PIH1D2: variants seen among roughly 807,000 people sequenced by gnomAD.
The protein encoded by PIH1D2 is PIH1 domain-containing protein 2.
A neutral mutation model predicts 31.2 loss-of-function variants in PIH1D2; 25 were observed. The observed-to-expected ratio is 0.80, with a 90% CI of 0.58 to 1.12. The LOEUF (loss-of-function observed/expected upper bound fraction) is 1.12, where lower values mean the gene tolerates loss of function less well. PIH1D2 is among the 50% of genes most tolerant of loss of function. The pLI is 0.00. For synonymous variants in PIH1D2, 116 were observed against 119.9 expected (o/e 0.97, Z 0.21); for missense variants, 310 against 356.6 (o/e 0.87, Z 1.05).
chr11:112,060,091 ATTATG>A, downstream of PIH1D2: 1 of 1,601,770 alleles, frequency 6.2e-7, no homozygotes, highest in Non-Finnish European at 8.5e-7. Flanking sequence ...TTGCTTTCTA[ATTATG>A]TTATTTTTAA....
At chr11:112,061,019 T>A, downstream of PIH1D2, 4 of 1,546,680 alleles carry the variant, frequency 2.6e-6, no homozygotes, top group Non-Finnish European at 3.5e-6. Context: ...TAATTTATTT[T>A]TAATTTTTTT....
intron 2 of PIH1D2, among the ~76,000 whole-genome samples, chr11:112,072,469 G>C (rs1865151584): frequency 7.3e-6 from 1 of 136,362 alleles, no homozygotes; most frequent in Non-Finnish European, 1.5e-5. Flanking sequence ...GATCGCTTGG[G>C]CTGCAATGAG....
Position 112,068,063 on chromosome 11 carries a change from T to C in PIH1D2, c.814-58A>G, listed in dbSNP as rs185401888. 461 of 1,198,478 alleles carry C rather than the reference T, an allele frequency of 3.8e-4. 2 individuals carry two copies. In the East Asian group the frequency reaches 9.2e-3, roughly 24 times the overall value. The allele number at this position is 1,198,478 out of a possible 1,614,324, so 74.2% of individuals were successfully genotyped here. ...GCTTAAAATTTGGGATACTAACTTATTGTTCCCAGTTATTCACTCCTTTGC... is the reference window on the plus strand; with the variant it reads ...GCTTAAAATTTGGGATACTAACTTACTGTTCCCAGTTATTCACTCCTTTGC... On this transcript the variant is annotated intron_variant, in intron 5 of 5. Coordinates refer to ENST00000280350, the MANE Select transcript of PIH1D2 (RefSeq NM_138789.4).
At chr11:112,069,093 G>T (rs1323167719) in intron 5 of PIH1D2, among the ~76,000 whole-genome samples, 4 of 150,246 alleles carry the variant, frequency 2.7e-5, no homozygotes, top group African/African-American at 9.8e-5. Context: ...CCGCCTCCCG[G>T]GTTCAAGCAG....
In PIH1D2 at chr11:112,072,886, A is replaced by G. The variant is rs570531395; in HGVS notation, c.177+112T>C. 1.7e-5 allele frequency: 19 copies of G among 1,091,578 alleles called. No homozygotes were observed. The African/African-American group carries it at 3.1e-4, about 18-fold the overall frequency. 67.6% of individuals were successfully genotyped at this position (1,091,578 alleles called of 1,614,324 possible). On this transcript the variant is annotated intron_variant, in intron 2 of 5. Transcript: ENST00000280350. ...TCAAAAAACAAAACAAAACAAAACA[A>G]AACAAAAAAAAAACAAAAAAAATTA...
chr11:112,057,191 A>C, the PIH1D2 span, among the ~76,000 whole-genome samples: 2 of 152,200 alleles, frequency 1.3e-5, no homozygotes, highest in Non-Finnish European at 2.9e-5. Context: ...GAATTGATAG[A>C]ATTATCAACC....
chr11:112,062,177 A>G (rs1864675187), downstream of PIH1D2, among the ~76,000 whole-genome samples: 1 of 152,178 alleles, frequency 6.6e-6, no homozygotes, highest in Non-Finnish European at 1.5e-5. Context: ...ATCTTTACCT[A>G]ATAAAAACAG....
chr11:112,071,538 C>T, intron 3 of PIH1D2, 97 bp downstream of exon 3: 5 of 1,432,864 alleles, frequency 3.5e-6, no homozygotes, highest in Non-Finnish European at 4.8e-6. Flanking sequence ...ATATTATCAA[C>T]AAATAAAGAG....
At chr11:112,067,160 A>T (rs1298210981), downstream of PIH1D2, among the ~76,000 whole-genome samples, 1 of 152,206 alleles carries the variant, frequency 6.6e-6, no homozygotes, top group African/African-American at 2.4e-5. Context: ...CTGATAATAA[A>T]AAACTTCTTG....
chr11:112,071,527 T>TATTA, intron 3 of PIH1D2, 108 bp downstream of exon 3: 2 of 1,386,530 alleles, frequency 1.4e-6, no homozygotes, highest in Admixed American at 4.4e-5. Context: ...TAATTGTAAT[T>TATTA]ATATTATCAA....
At chr11:112,053,686 C>G in the PIH1D2 span, among the ~76,000 whole-genome samples, 3 of 152,146 alleles carry the variant, frequency 2.0e-5, no homozygotes, top group African/African-American at 7.2e-5. Context: ...AACTCTTGAC[C>G]TTGTGAGCCG....
the PIH1D2 span, among the ~76,000 whole-genome samples, chr11:112,055,110 A>C: frequency 6.6e-6 from 1 of 152,172 alleles, no homozygotes; most frequent in Non-Finnish European, 1.5e-5. Flanking sequence ...TCATCCCACT[A>C]AACAGACTTT....
At chr11:112,061,639 T>C (rs1482195838), downstream of PIH1D2, 1 of 172,872 alleles carries the variant, frequency 5.8e-6, no homozygotes, top group Non-Finnish European at 1.2e-5. Context: ...AGTGCAGTGG[T>C]GCCATCTCGG....
At chr11:112,059,043 A>C (rs1205420521), downstream of PIH1D2, among the ~76,000 whole-genome samples, 1 of 151,252 alleles carries the variant, frequency 6.6e-6, no homozygotes, top group African/African-American at 2.4e-5. Context: ...AGAAGATCTG[A>C]TATTGTGTAA....
chr11:112,055,210 G>A, the PIH1D2 span, among the ~76,000 whole-genome samples: 2 of 146,998 alleles, frequency 1.4e-5, no homozygotes, highest in Admixed American at 1.4e-4. Flanking sequence ...GGCATTGACA[G>A]TCTTCCGTAA....
intron 4 of PIH1D2, 97 bp downstream of exon 4, chr11:112,070,941 C>T: frequency 1.5e-6 from 2 of 1,377,976 alleles, no homozygotes; most frequent in Non-Finnish European, 1.9e-6. Context: ...TTAAGTTTTT[C>T]ACCTTTTAAA....
At chr11:112,066,008 A>G (rs1864912760), downstream of PIH1D2, among the ~76,000 whole-genome samples, 1 of 152,140 alleles carries the variant, frequency 6.6e-6, no homozygotes, top group African/African-American at 2.4e-5. Flanking sequence ...AAAAAAAAAA[A>G]TTATATTTGC....
At chr11:112,059,469 T>C (rs1022547984), downstream of PIH1D2, among the ~76,000 whole-genome samples, 1 of 151,828 alleles carries the variant, frequency 6.6e-6, no homozygotes, top group African/African-American at 2.4e-5. Flanking sequence ...CTCAGCTCAC[T>C]GCAACCTCCA....
downstream of PIH1D2, among the ~76,000 whole-genome samples, chr11:112,065,112 T>C (rs782113695): frequency 1.3e-3 from 199 of 152,060 alleles, 1 homozygote; most frequent in Middle Eastern, 3.4e-3. Flanking sequence ...AGGGCTGGGA[T>C]TACAGCTGAG....
Sources: gnomAD v4.1 joint callset for allele counts (sites outside exome capture counted in the v4.1 genomes callset) on GRCh38, gnomAD v4.1.1 for gene constraint, MANE v1.5 for transcripts, NCBI Gene and HGNC (gene_info 2026-07-23, HGNC 2026-07-21) for gene names.